COL26A1: variants seen among roughly 807,000 people sequenced by gnomAD.
COL26A1 encodes collagen alpha-1(XXVI) chain.
COL26A1 carries 41 observed loss-of-function variants against 59.3 expected under a neutral mutation model. The ratio of observed to expected loss-of-function variants is 0.69; its 90% CI spans 0.54 to 0.90. The LOEUF (loss-of-function observed/expected upper bound fraction) is 0.90, where lower values mean the gene tolerates loss of function less well. Among genes scored for constraint, COL26A1 ranks in the 40% least tolerant of loss-of-function variants. The pLI is 0.00. For missense variants in COL26A1, 612 were observed against 602.3 expected, an observed-to-expected ratio of 1.02 and a Z score of -0.17; for synonymous variants, 266 against 256.0, an observed-to-expected ratio of 1.04 and a Z score of -0.37.
intron 1 of COL26A1, among the ~76,000 whole-genome samples, chr7:101,373,149 G>A (rs113918196): frequency 6.6e-6 from 1 of 152,186 alleles, no homozygotes; most frequent in Non-Finnish European, 1.5e-5. Context: ...GGCAGAGGAA[G>A]GATAGTGGAA....
chr7:101,451,274 T>C (rs1186525275), intron 3 of COL26A1, among the ~76,000 whole-genome samples: 2 of 145,696 alleles, frequency 1.4e-5, no homozygotes, highest in East Asian at 3.9e-4. Context: ...ATGAAAGATA[T>C]ATTTATATAT....
At chr7:101,445,718 C>G (rs1373788373) in intron 2 of COL26A1, among the ~76,000 whole-genome samples, 1 of 87,094 alleles carries the variant, frequency 1.1e-5, no homozygotes, top group African/African-American at 4.6e-5. Context: ...GGCGACAGAG[C>G]GAGACTCCGT....
rs1181045296 is a variant in COL26A1 at position 101,544,026 on chromosome 7, G to A, written c.633G>A (p.Gly211=). 1 of 1,594,236 alleles carries A rather than the reference G, an allele frequency of 6.3e-7. No homozygotes were observed. Among genetic ancestry groups the A allele is most frequent in the Admixed American group, 1.8e-5 (1 of 57,090 alleles). ...AGPPGQTGPP[G]PAGPPGSKGD... is the part of the protein sequence containing the mutation. The stretch of plus-strand genomic sequence containing the variant: ...CCCCGGGGCAGACAGGACCACCAGG[G>A]CCTGCAGGCCCCCCCGGGTCTAAAG... The change falls in exon 6 of 13, where the codon GGG becomes GGA. Residue 211 remains glycine (G), a synonymous_variant. Transcript: ENST00000313669.
At chr7:101,519,900 T>C (rs575457539) in intron 3 of COL26A1, among the ~76,000 whole-genome samples, 240 of 152,254 alleles carry the variant, frequency 1.6e-3, no homozygotes, top group African/African-American at 5.6e-3. Context: ...TGGTGAAATG[T>C]GATCCCCTGT....
intron 1 of COL26A1, among the ~76,000 whole-genome samples, chr7:101,381,759 G>T (rs1403295534): frequency 1.3e-5 from 2 of 152,160 alleles, no homozygotes; most frequent in Non-Finnish European, 2.9e-5. Context: ...TGTGCTTTGT[G>T]GGGGACACAT....
chr7:101,511,082 T>G (rs1029486629), intron 3 of COL26A1, among the ~76,000 whole-genome samples: 7 of 151,782 alleles, frequency 4.6e-5, no homozygotes, highest in Non-Finnish European at 7.4e-5. Flanking sequence ...TTTGTATTTT[T>G]AGTAGAGACA....
At chr7:101,478,541 G>A (rs1382408716) in intron 3 of COL26A1, among the ~76,000 whole-genome samples, 4 of 152,106 alleles carry the variant, frequency 2.6e-5, no homozygotes, top group Non-Finnish European at 4.4e-5. Context: ...TTAACCGAAA[G>A]TACACAAAAC....
intron 3 of COL26A1, among the ~76,000 whole-genome samples, chr7:101,449,114 T>G (rs1793269194): frequency 6.6e-6 from 1 of 152,172 alleles, no homozygotes; most frequent in South Asian, 2.1e-4. Flanking sequence ...GGGCTATCCT[T>G]GTTGGAGGTT....
At chr7:101,457,317 A>G (rs780965464) in intron 3 of COL26A1, among the ~76,000 whole-genome samples, 1 of 152,192 alleles carries the variant, frequency 6.6e-6, no homozygotes, top group Non-Finnish European at 1.5e-5. Context: ...CAACTGGGGA[A>G]GTCATCAATG....
chr7:101,367,738 C>T (rs1259883983), intron 1 of COL26A1, among the ~76,000 whole-genome samples: 1 of 151,844 alleles, frequency 6.6e-6, no homozygotes, highest in African/African-American at 2.4e-5. Flanking sequence ...GGACACAGCA[C>T]AGCAAGAAGG....
In COL26A1 at chr7:101,447,735, G is replaced by T; in HGVS notation, c.333G>T (p.Thr111=). Residue 111 remains threonine (T), a synonymous_variant, in exon 3 of 13, where the codon ACG becomes ACT. Coordinates refer to ENST00000313669, the MANE Select transcript of COL26A1 (RefSeq NM_001278563.3). Reference sequence around the variant, plus strand: ...ACAGAGTGTCCTACCGCACGGTGACGGTGCTGGAGTGGAGATGCTGCCCTG... The same window carrying T: ...ACAGAGTGTCCTACCGCACGGTGACTGTGCTGGAGTGGAGATGCTGCCCTG... ...PTYRVSYRTV[T]VLEWRCCPGF... The T allele has an allele frequency of 6.2e-7, 1 of 1,607,148 alleles. No individual in the cohort carries two copies. Among genetic ancestry groups the T allele is most frequent in the East Asian group, 2.2e-5 (1 of 44,634 alleles).
chr7:101,476,755 G>A (rs1216361830), intron 3 of COL26A1, among the ~76,000 whole-genome samples: 1 of 151,172 alleles, frequency 6.6e-6, no homozygotes, highest in Non-Finnish European at 1.5e-5. Context: ...TACCGTGTTA[G>A]CCAGGATGGT....
At chr7:101,402,304 C>G (rs948970786) in intron 1 of COL26A1, among the ~76,000 whole-genome samples, 7 of 152,122 alleles carry the variant, frequency 4.6e-5, no homozygotes, top group Admixed American at 6.6e-5. Flanking sequence ...ATTTTCCCCC[C>G]CAAGTGAACA....
chr7:101,431,966 ATTTTTT>A (rs35468529), intron 2 of COL26A1, among the ~76,000 whole-genome samples: 2 of 133,604 alleles, frequency 1.5e-5, no homozygotes, highest in African/African-American at 2.8e-5. Flanking sequence ...TAATTTTATA[ATTTTTT>A]TTTTTTTTTT....
chr7:101,511,001 C>T (rs1055761262), intron 3 of COL26A1, among the ~76,000 whole-genome samples: 2 of 149,706 alleles, frequency 1.3e-5, no homozygotes, highest in Non-Finnish European at 3.0e-5. Context: ...CCCAGGTTCA[C>T]GCGATTCTCC....
chr7:101,391,743 C>T (rs34350678), intron 1 of COL26A1, among the ~76,000 whole-genome samples: 19,810 of 152,082 alleles, frequency 0.13, 1,683 homozygotes, highest in South Asian at 0.19. Flanking sequence ...TTAGTAGAGA[C>T]GGGGTATCAC....
intron 3 of COL26A1, among the ~76,000 whole-genome samples, chr7:101,530,284 C>G (rs141333533): frequency 2.8e-4 from 43 of 152,012 alleles, no homozygotes; most frequent in African/African-American, 1.0e-3. Context: ...GAGGAAGGCA[C>G]TAGGCTGGGC....
chr7:101,523,989 G>T (rs186337108), intron 3 of COL26A1, among the ~76,000 whole-genome samples: 4 of 152,116 alleles, frequency 2.6e-5, no homozygotes, highest in Non-Finnish European at 4.4e-5. Context: ...AACAATTGTG[G>T]CCAGGCACAG....
intron 3 of COL26A1, among the ~76,000 whole-genome samples, chr7:101,528,457 G>A (rs1488669379): frequency 1.3e-5 from 2 of 151,984 alleles, no homozygotes; most frequent in Non-Finnish European, 2.9e-5. Context: ...CCCAAGGGTG[G>A]GGTGGTGTCT....
Sources: allele counts gnomAD v4.1 joint callset (sites outside exome capture counted in the v4.1 genomes callset), GRCh38; gene constraint gnomAD v4.1.1; transcripts MANE v1.5; gene names NCBI Gene and HGNC (gene_info 2026-07-23, HGNC 2026-07-21).